DNAAF11: variants seen among roughly 807,000 people sequenced by gnomAD.
The protein encoded by DNAAF11 is leucine rich repeat containing 6.
DNAAF11 carries 45 observed loss-of-function variants against 60.8 expected under a neutral mutation model. That is an observed-to-expected ratio of 0.74 (90% CI 0.58 to 0.95). DNAAF11 has a LOEUF of 0.95. Ranked by LOEUF, DNAAF11 falls within the 40% of genes least tolerant of loss-of-function variation. The probability of loss-of-function intolerance (pLI) is 0.00; values close to 1 mark genes in which losing one functional copy is unlikely to be tolerated. For missense variants in DNAAF11, 546 were observed against 546.2 expected (o/e 1.00, Z 0.00); for synonymous variants, 191 against 183.5 (o/e 1.04, Z -0.33).
At chr8:132,578,500 A>C (rs1046683593) in intron 11 of DNAAF11, 44 of 1,530,146 alleles carry the variant, frequency 2.9e-5, no homozygotes, top group Non-Finnish European at 3.9e-5. Context: ...CATCACCTCT[A>C]GAATCCAGTA....
chr8:132,572,147 T>C lies in DNAAF11; in HGVS notation c.*159A>G. 2 of 546,460 alleles carry C rather than the reference T, an allele frequency of 3.7e-6. No homozygotes were observed. The highest frequency in any genetic ancestry group is 3.7e-5 in the South Asian group (1 of 27,092). 33.9% of individuals were successfully genotyped at this position (546,460 alleles called of 1,614,324 possible). ...AGACATACATTTTAATTTTAAGCTA[T>C]CTTAAGGATATTACTATGCAAAGTA... On this transcript the variant is annotated 3_prime_UTR_variant, in exon 12 of 12. Transcript: ENST00000620350.
chr8:132,648,492 G>T (rs1462516052), intron 3 of DNAAF11, among the ~76,000 whole-genome samples: 2 of 152,122 alleles, frequency 1.3e-5, no homozygotes, highest in Non-Finnish European at 2.9e-5. Flanking sequence ...TCAATATAGT[G>T]TTAGAAGTTC....
At chr8:132,661,654 A>G in intron 1 of DNAAF11, 27 bp from the exon 2 acceptor site, 2 of 1,599,298 alleles carry the variant, frequency 1.3e-6, no homozygotes, top group Non-Finnish European at 1.7e-6. Context: ...TACATATTAC[A>G]TTTCTGTCCC....
rs1030709507 is a variant in DNAAF11 at position 132,584,503 on chromosome 8, T to G, written c.1141-724A>C. Among the ~76,000 whole-genome samples the G allele has an allele frequency of 3.9e-5, 6 of 152,130 alleles. 1 individual carries two copies. In the South Asian group the frequency reaches 1.2e-3, roughly 32 times the overall value. ...CACCTACCAATATCAACACTGTATT[T>G]CACTTAATTTCTCCACCCCTCAACA... On this transcript the variant is annotated intron_variant, in intron 10 of 11. Transcript: ENST00000620350.
At chr8:132,591,815 C>T (rs1281742001) in intron 10 of DNAAF11, among the ~76,000 whole-genome samples, 1 of 151,954 alleles carries the variant, frequency 6.6e-6, no homozygotes, top group East Asian at 1.9e-4. Context: ...TTTTGACATA[C>T]AACTCTTAGA....
At chr8:132,593,269 G>T (rs116043948) in intron 10 of DNAAF11, among the ~76,000 whole-genome samples, 1,544 of 147,454 alleles carry the variant, frequency 0.01, 28 homozygotes, top group African/African-American at 0.037. Context: ...AAAAAGATAT[G>T]TGTTTAGTAT....
At chr8:132,688,721 T>A in the DNAAF11 span, among the ~76,000 whole-genome samples, 1 of 152,180 alleles carries the variant, frequency 6.6e-6, no homozygotes, top group Admixed American at 6.5e-5. Flanking sequence ...GAGAGATCCC[T>A]GAGGACATGG....
At chr8:132,585,655 G>A (rs191668125) in intron 10 of DNAAF11, among the ~76,000 whole-genome samples, 1 of 152,272 alleles carries the variant, frequency 6.6e-6, no homozygotes, top group Admixed American at 6.5e-5. Context: ...AGTATGCTAT[G>A]GAAGAATTGG....
At position 132,570,523 on chromosome 8, in the gene DNAAF11, A is replaced by T. The variant is rs554835153; in HGVS notation, c.*1783T>A. Among the ~76,000 whole-genome samples the T allele has an allele frequency of 9.8e-5, 15 of 152,312 alleles. No individual in the cohort carries two copies. The East Asian group carries it at 2.5e-3, about 25-fold the overall frequency. ...AATACAGTCCTGACAAATGTACATG[A>T]TTTCCAAGTTGGTAGAGGTTGAGTT... On this transcript the variant is annotated 3_prime_UTR_variant, in exon 12 of 12. Coordinates refer to ENST00000620350, the MANE Select transcript of DNAAF11 (RefSeq NM_012472.6).
At chr8:132,652,634 C>A (rs530743242) in intron 3 of DNAAF11, among the ~76,000 whole-genome samples, 3 of 152,214 alleles carry the variant, frequency 2.0e-5, no homozygotes, top group East Asian at 1.9e-4. Context: ...AGTTCATGTC[C>A]TTTGCAGGGA....
rs1563992420 is a variant in DNAAF11 at position 132,595,347 on chromosome 8, G to GAAAAAAAAAAAAAA, written c.1141-11569_1141-11568insTTTTTTTTTTTTTT. ...TTCCCGAAAGAGAGAGAGACAGAGG[G>GAAAAAAAAAAAAAA]GAAAAAAAAAAAAAAAAAAAAAAAA... On this transcript the variant is annotated intron_variant, in intron 10 of 11. Coordinates refer to ENST00000620350, the MANE Select transcript of DNAAF11 (RefSeq NM_012472.6). 2.7e-4 allele frequency among the ~76,000 whole-genome samples: 11 copies of GAAAAAAAAAAAAAA among 40,676 alleles called. 2 individuals are homozygous for GAAAAAAAAAAAAAA. The highest frequency in any genetic ancestry group is 8.8e-4 in the Admixed American group (2 of 2,274). 26.7% of individuals were successfully genotyped at this position (40,676 alleles called of 152,430 possible).
chr8:132,622,746 G>T, intron 6 of DNAAF11, 58 bp from the exon 7 acceptor site: 1 of 1,214,932 alleles, frequency 8.2e-7, no homozygotes, highest in Non-Finnish European at 1.2e-6. Flanking sequence ...AACAAGCAAA[G>T]AGAATATAAA....
chr8:132,643,039 C>G (rs1586670057), intron 3 of DNAAF11, among the ~76,000 whole-genome samples: 1 of 152,186 alleles, frequency 6.6e-6, no homozygotes, highest in East Asian at 1.9e-4. Context: ...ACATCCCTCG[C>G]AAGATCAGTT....
intron 11 of DNAAF11, among the ~76,000 whole-genome samples, chr8:132,575,275 C>G (rs1392351520): frequency 6.6e-6 from 1 of 152,100 alleles, no homozygotes; most frequent in African/African-American, 2.4e-5. Flanking sequence ...TTGTCAAGAT[C>G]AAATGAGTTC....
chr8:132,685,047 G>A, the DNAAF11 span: 6 of 152,268 alleles, frequency 3.9e-5, no homozygotes, highest in South Asian at 2.1e-4. Flanking sequence ...CTTCAAGTCC[G>A]AGGTTTTTGT....
At chr8:132,593,028 G>A (rs918856128) in intron 10 of DNAAF11, among the ~76,000 whole-genome samples, 3 of 151,770 alleles carry the variant, frequency 2.0e-5, no homozygotes, top group African/African-American at 7.3e-5. Context: ...GTAAGAATGA[G>A]GAGAGTTCAG....
intron 1 of DNAAF11, among the ~76,000 whole-genome samples, chr8:132,666,441 TA>T (rs765214173): frequency 1.3e-5 from 2 of 151,736 alleles, no homozygotes; most frequent in Non-Finnish European, 2.9e-5. Flanking sequence ...AAAATTAAAT[TA>T]AAAAGTAAAA....
chr8:132,632,620 T>A (rs1820904192), intron 5 of DNAAF11, 120 bp downstream of exon 5: 1 of 712,294 alleles, frequency 1.4e-6, no homozygotes, highest in Non-Finnish European at 2.4e-6. Context: ...AAAATTCACA[T>A]CATATTTCAT....
intron 1 of DNAAF11, 36 bp from the exon 2 acceptor site, chr8:132,661,663 C>T: frequency 2.5e-6 from 4 of 1,585,066 alleles, no homozygotes; most frequent in Non-Finnish European, 2.6e-6. Flanking sequence ...CATTTCTGTC[C>T]CCATTGTTCA....
Sources: gnomAD v4.1 joint callset for allele counts (sites outside exome capture counted in the v4.1 genomes callset) on GRCh38, gnomAD v4.1.1 for gene constraint, MANE v1.5 for transcripts, NCBI Gene and HGNC (gene_info 2026-07-23, HGNC 2026-07-21) for gene names.